Variants in DPY19L2 observed in about 807,000 individuals in gnomAD.
DPY19L2 encodes the protein dpy-19 like 2, also known as probable C-mannosyltransferase DPY19L2.
In DPY19L2, 34 loss-of-function variants were observed where a neutral mutation model predicts 97.9. The observed-to-expected ratio is 0.35, with a 90% CI of 0.26 to 0.46. DPY19L2 has a LOEUF of 0.46. Ranked by LOEUF, DPY19L2 falls within the 20% of genes least tolerant of loss-of-function variation. The pLI is 1.00. For missense variants in DPY19L2, 623 were observed against 911.4 expected, an observed-to-expected ratio of 0.68 and a Z score of 4.07; for synonymous variants, 230 against 307.9, an observed-to-expected ratio of 0.75 and a Z score of 2.65.
chr12:63,659,434 T>C (rs530129077), intron 4 of DPY19L2, among the ~76,000 whole-genome samples: 1 of 150,904 alleles, frequency 6.6e-6, no homozygotes, highest in South Asian at 2.1e-4. Flanking sequence ...TCTTCCCAGA[T>C]ACATGTACAA....
chr12:63,610,852 A>AAAAAAAAAAAAAAAAAAAC (rs1886844472), intron 11 of DPY19L2, among the ~76,000 whole-genome samples: 1 of 85,158 alleles, frequency 1.2e-5, no homozygotes, highest in African/African-American at 4.7e-5. Flanking sequence ...AAAAAAAAAA[A>AAAAAAAAAAAAAAAAAAAC]AAAAAAAAAA....
At chr12:63,642,349 T>G (rs2138102842) in intron 6 of DPY19L2, among the ~76,000 whole-genome samples, 1 of 152,300 alleles carries the variant, frequency 6.6e-6, no homozygotes, top group South Asian at 2.1e-4. Flanking sequence ...ATCAAATTTA[T>G]TAGTTTTTCT....
chr12:63,603,256 A>T (rs9971633), intron 12 of DPY19L2, among the ~76,000 whole-genome samples: 29,071 of 152,076 alleles, frequency 0.19, 4,140 homozygotes, highest in African/African-American at 0.42. Context: ...AAGGAAATAC[A>T]CATGGGAAGA....
chr12:63,589,205 A>C (rs376362545), intron 16 of DPY19L2, among the ~76,000 whole-genome samples: 15 of 152,058 alleles, frequency 9.9e-5, no homozygotes, highest in Non-Finnish European at 2.2e-4. Flanking sequence ...TGGAAGTTCT[A>C]GCACGACAAG....
intron 4 of DPY19L2, among the ~76,000 whole-genome samples, chr12:63,658,409 G>A (rs1318052738): frequency 2.0e-5 from 3 of 152,084 alleles, no homozygotes; most frequent in East Asian, 1.9e-4. Flanking sequence ...ATGGAGAATC[G>A]CTTGAACCCA....
chr12:63,668,139 G>A lies in DPY19L2; in HGVS notation c.255C>T (p.Val85=), dbSNP rs1240300273. 3.7e-6 allele frequency: 6 copies of A among 1,613,906 alleles called. No homozygotes were observed. In the African/African-American group the frequency reaches 6.7e-5, roughly 18 times the overall value. ...CCCGGAGCTGCGCCAGGGAATTACG[G>A]ACGAACTGGAAGGGGCCGAGAAGAA... The part of the protein sequence containing the change: ...KTFLLGPFQF[V]RNSLAQLREK... Residue 85 remains valine, a synonymous_variant, in exon 1 of 22, where the codon GTC becomes GTT. Coordinates refer to ENST00000324472, the MANE Select transcript of DPY19L2 (RefSeq NM_173812.5).
intron 6 of DPY19L2, among the ~76,000 whole-genome samples, chr12:63,628,735 C>T (rs1890043182): frequency 6.6e-6 from 1 of 151,382 alleles, no homozygotes; most frequent in Non-Finnish European, 1.5e-5. Flanking sequence ...TCCCAGCACG[C>T]AGCTGGAGAT....
intron 6 of DPY19L2, among the ~76,000 whole-genome samples, chr12:63,643,008 GC>G (rs1892913989): frequency 6.6e-6 from 1 of 151,702 alleles, no homozygotes; most frequent in Non-Finnish European, 1.5e-5. Flanking sequence ...GGAATATCAT[GC>G]TTTTAATGCT....
At chr12:63,664,941 C>T (rs10784366) in intron 2 of DPY19L2, among the ~76,000 whole-genome samples, 61,295 of 151,798 alleles carry the variant, frequency 0.4, 13,601 homozygotes, top group East Asian at 0.72. Context: ...CAATAGAACA[C>T]AGGGGCAGAT....
chr12:63,637,838 C>A (rs1171320213), intron 6 of DPY19L2, among the ~76,000 whole-genome samples: 6 of 152,236 alleles, frequency 3.9e-5, no homozygotes, highest in African/African-American at 1.4e-4. Context: ...AAAAGAGGGA[C>A]TCCTCCCTAA....
rs759615247 is a variant in DPY19L2, at chr12:63,665,868, A to C, written c.338-9T>G. On this transcript the variant is annotated splice_polypyrimidine_tract_variant and intron_variant, in intron 1 of 21. Coordinates refer to ENST00000324472, the MANE Select transcript of DPY19L2 (RefSeq NM_173812.5). The stretch of plus-strand genomic sequence containing the variant: ...AATTGCCACAAAGACAGCTGGAATA[A>C]AGAAAAAAAGGAAAGTCATTAATAG... 13 of 1,583,468 alleles carry C rather than the reference A, an allele frequency of 8.2e-6. No homozygotes were observed. Among genetic ancestry groups the C allele is most frequent in the Non-Finnish European group, 1.1e-5 (13 of 1,162,850 alleles).
In DPY19L2 at chr12:63,559,502, A is replaced by G. The variant is rs1332042754; in HGVS notation, c.*1010T>C. 3 of 152,596 alleles carry G rather than the reference A, an allele frequency of 2.0e-5. No homozygotes were observed. Among genetic ancestry groups the G allele is most frequent in the East Asian group, 3.8e-4 (2 of 5,196 alleles). 9.5% of individuals were successfully genotyped at this position (152,596 alleles called of 1,614,324 possible). A position where few individuals can be genotyped will look rare whatever the true frequency, so the allele number is the denominator to read the frequency against. On this transcript the variant is annotated 3_prime_UTR_variant, in exon 22 of 22. Transcript: ENST00000324472. ...GATAACTACCACTTTTCAAAGCACTATTGTTGGGTAGGTTTTATTAGGGGA... is the reference window on the plus strand; with the variant it reads ...GATAACTACCACTTTTCAAAGCACTGTTGTTGGGTAGGTTTTATTAGGGGA...
At chr12:63,603,958 A>G (rs971631131) in intron 12 of DPY19L2, among the ~76,000 whole-genome samples, 32 of 152,212 alleles carry the variant, frequency 2.1e-4, no homozygotes, top group African/African-American at 7.7e-4. Flanking sequence ...GGAAGAGAAT[A>G]GAAAACTCAG....
intron 4 of DPY19L2, among the ~76,000 whole-genome samples, chr12:63,647,784 T>C (rs918552646): frequency 6.6e-6 from 1 of 152,118 alleles, no homozygotes; most frequent in African/African-American, 2.4e-5. Context: ...AATAGACAAA[T>C]AGATAACTGC....
intron 16 of DPY19L2, among the ~76,000 whole-genome samples, chr12:63,588,745 CTTTT>C (rs913709153): frequency 2.1e-4 from 27 of 129,898 alleles, no homozygotes; most frequent in Non-Finnish European, 2.4e-4. Flanking sequence ...AGGAAACTTT[CTTTT>C]TTTTTTTTTT....
At position 63,583,159 on chromosome 12, in the gene DPY19L2, A is replaced by G. The variant is rs145190877; in HGVS notation, c.1606-634T>C. Among the ~76,000 whole-genome samples the G allele has an allele frequency of 4.2e-3, 645 of 152,298 alleles. 11 individuals carry two copies. Among genetic ancestry groups the G allele is most frequent in the African/African-American group, 0.015 (610 of 41,560 alleles). ...GAAATCTGAAAAGCCTCTAGTCCTA[A>G]GCATTTTGGATAAGGGATACTCAAC... is the stretch of plus-strand genomic sequence containing the variant. On this transcript the variant is annotated intron_variant, in intron 17 of 21. Transcript: ENST00000324472.
intron 7 of DPY19L2, among the ~76,000 whole-genome samples, chr12:63,625,117 C>T (rs1370774953): frequency 6.6e-6 from 1 of 152,084 alleles, no homozygotes; most frequent in African/African-American, 2.4e-5. Context: ...TCTACCCTGG[C>T]TTGGCATGGT....
chr12:63,667,752 C>T (rs1235454541), intron 1 of DPY19L2, among the ~76,000 whole-genome samples: 3 of 152,116 alleles, frequency 2.0e-5, no homozygotes, highest in African/African-American at 7.2e-5. Flanking sequence ...ACTTGCTCCA[C>T]TAATTATTTC....
At chr12:63,667,648 C>T (rs1399555123) in intron 1 of DPY19L2, among the ~76,000 whole-genome samples, 2 of 152,084 alleles carry the variant, frequency 1.3e-5, no homozygotes, top group Non-Finnish European at 2.9e-5. Context: ...TTTTCTACTC[C>T]CTGCCATCTC....
Sources: allele counts gnomAD v4.1 joint callset (sites outside exome capture counted in the v4.1 genomes callset), GRCh38; gene constraint gnomAD v4.1.1; transcripts MANE v1.5; gene names NCBI Gene and HGNC (gene_info 2026-07-23, HGNC 2026-07-21).